The following CPAMD8 variants were observed in gnomAD, a reference collection of about 807,000 sequenced individuals.
CPAMD8 encodes the protein C3 and PZP-like alpha-2-macroglobulin domain-containing protein 8.
Under a neutral mutation model 224.7 loss-of-function variants are expected in CPAMD8, and 146 were observed. The ratio of observed to expected loss-of-function variants is 0.65; its 90% confidence interval spans 0.57 to 0.75. The LOEUF (loss-of-function observed/expected upper bound fraction) is 0.75, where lower values mean the gene tolerates loss of function less well. Ranked by LOEUF, CPAMD8 falls within the 30% of genes least tolerant of loss-of-function variation. The pLI, the probability that CPAMD8 is intolerant of heterozygous loss-of-function variation, is 0.00. For missense variants in CPAMD8, 2,301 were observed against 2,537.5 expected, an observed-to-expected ratio of 0.91 and a Z score of 2.00; for synonymous variants, 966 against 1,044.6, an observed-to-expected ratio of 0.92 and a Z score of 1.45.
At position 16,904,507 on chromosome 19, in the gene CPAMD8, T is replaced by C; in HGVS notation, c.4073A>G (p.Lys1358Arg). 1 of 1,614,134 alleles carries C rather than the reference T, an allele frequency of 6.2e-7. No individual in the cohort carries two copies. Among genetic ancestry groups the C allele is most frequent in the South Asian group, 1.1e-5 (1 of 91,088 alleles). ...GTCACTGAAGCTCAAGAATGTGCCC[T>C]TGTCCACGTCCCAGGAATTTGACAG... is the stretch of plus-strand genomic sequence containing the variant. ...WSLSNSWDVDKGTFLSFSDRV... is the reference protein window; with the variant it reads ...WSLSNSWDVDRGTFLSFSDRV... Residue 1358 changes from lysine to arginine, a missense_variant, in exon 31 of 42, where the codon AAG (lysine) becomes AGG (arginine). Lys to Arg is a conservative substitution (Grantham distance 26). Transcript: ENST00000443236.
At chr19:16,934,267 C>T (rs2053625061) in intron 23 of CPAMD8, among the ~76,000 whole-genome samples, 1 of 152,116 alleles carries the variant, frequency 6.6e-6, no homozygotes, top group Admixed American at 6.5e-5. Flanking sequence ...CACAGACGTA[C>T]ATATATGTTA....
At chr19:16,905,576 A>T (rs1599665815) in intron 30 of CPAMD8, among the ~76,000 whole-genome samples, 2 of 150,122 alleles carry the variant, frequency 1.3e-5, no homozygotes, top group Admixed American at 6.6e-5. Context: ...AAAGAAAAAA[A>T]AAAAAAAAAA....
intron 11 of CPAMD8, among the ~76,000 whole-genome samples, chr19:16,994,148 C>G (rs192737037): frequency 6.6e-6 from 1 of 152,274 alleles, no homozygotes. Flanking sequence ...CTACCTCACA[C>G]CATATACAAA....
intron 2 of CPAMD8, among the ~76,000 whole-genome samples, chr19:17,021,434 C>T (rs1351257614): frequency 6.6e-6 from 1 of 152,168 alleles, no homozygotes; most frequent in Non-Finnish European, 1.5e-5. Context: ...GCCTTGGAGC[C>T]CCTGGCCTTC....
At chr19:16,941,644 T>TTA (rs2053893559) in intron 22 of CPAMD8, among the ~76,000 whole-genome samples, 3 of 152,244 alleles carry the variant, frequency 2.0e-5, no homozygotes, top group African/African-American at 7.2e-5. Context: ...GCTGTTCTCG[T>TTA]GATAATGGGT....
chr19:16,920,291 A>C (rs949597298), intron 27 of CPAMD8, among the ~76,000 whole-genome samples: 3 of 151,156 alleles, frequency 2.0e-5, no homozygotes, highest in Non-Finnish European at 4.4e-5. Context: ...CATCCTGGCT[A>C]ACACGGTGAA....
chr19:17,020,495 G>C (rs923572751), intron 2 of CPAMD8, 142 bp from the exon 3 acceptor site: 1 of 665,968 alleles, frequency 1.5e-6, no homozygotes, highest in Admixed American at 2.3e-5. Flanking sequence ...ATGCTGGCCT[G>C]GACTGGGCCA....
chr19:16,951,095 G>A (rs2054284704), intron 20 of CPAMD8, among the ~76,000 whole-genome samples: 1 of 152,108 alleles, frequency 6.6e-6, no homozygotes, highest in South Asian at 2.1e-4. Context: ...CCTGCTTAAT[G>A]TTCTCAGTGT....
intron 19 of CPAMD8, among the ~76,000 whole-genome samples, chr19:16,952,637 A>T (rs1429210408): frequency 6.6e-6 from 1 of 152,204 alleles, no homozygotes; most frequent in Non-Finnish European, 1.5e-5. Flanking sequence ...TGATCCCGCC[A>T]CTGCAGTCCA....
intron 9 of CPAMD8, among the ~76,000 whole-genome samples, chr19:17,002,048 C>A (rs899854263): frequency 6.0e-5 from 9 of 150,300 alleles, no homozygotes; most frequent in Non-Finnish European, 1.3e-4. Flanking sequence ...GGGAGGGGCA[C>A]CTCCTGAGGA....
At chr19:16,952,349 A>G in intron 19 of CPAMD8, 149 bp from the exon 20 acceptor site, 5 of 628,872 alleles carry the variant, frequency 8.0e-6, no homozygotes, top group Non-Finnish European at 1.1e-5. Context: ...CAAAAGCGGC[A>G]ACAGGAAAAA....
At chr19:16,920,442 T>C (rs2053127920) in intron 27 of CPAMD8, among the ~76,000 whole-genome samples, 1 of 152,112 alleles carries the variant, frequency 6.6e-6, no homozygotes, top group African/African-American at 2.4e-5. Context: ...ATGGCGCCAC[T>C]GCACTCCAGC....
At chr19:16,944,752 G>T (rs1275290506) in intron 22 of CPAMD8, among the ~76,000 whole-genome samples, 1 of 151,846 alleles carries the variant, frequency 6.6e-6, no homozygotes, top group East Asian at 1.9e-4. Flanking sequence ...CCGGAGTTCT[G>T]CCCAGTGGGC....
At chr19:16,926,805 G>T (rs75151526) in intron 25 of CPAMD8, among the ~76,000 whole-genome samples, 5,317 of 152,096 alleles carry the variant, frequency 0.035, 230 homozygotes, top group African/African-American at 0.1. Context: ...CTGCCTCTCT[G>T]CTTCTTCTCC....
At chr19:17,008,364 T>C in intron 7 of CPAMD8, 141 bp downstream of exon 7, 1 of 1,064,462 alleles carries the variant, frequency 9.4e-7, no homozygotes, top group African/African-American at 1.6e-5. Context: ...GGTGGGTACC[T>C]GCCCTCCGCT....
intron 17 of CPAMD8, among the ~76,000 whole-genome samples, chr19:16,971,461 T>C (rs1259649375): frequency 6.6e-6 from 1 of 152,126 alleles, no homozygotes; most frequent in Non-Finnish European, 1.5e-5. Flanking sequence ...ATTTGAACTG[T>C]GCAACCAAAT....
chr19:16,902,846 A>G lies in CPAMD8; in HGVS notation c.4488T>C (p.Asn1496=), dbSNP rs576729458. 25 of 1,534,640 alleles carry G rather than the reference A, an allele frequency of 1.6e-5. No homozygotes were observed. In the South Asian group the frequency reaches 3.0e-4, roughly 19 times the overall value. The change falls in exon 35 of 42, where the codon AAT becomes AAC. Residue 1496 remains asparagine, a synonymous_variant. Transcript: ENST00000443236. ...CTGGCTTGGCCACCGGGTCAGGCAC[A>G]TTGTAGGTGACATCAATCTGGGGGG... ...CCLMQIDVTY[N]VPDPVAKPAF...
chr19:16,987,179 A>ATATATATAT (rs1169938247), intron 13 of CPAMD8, among the ~76,000 whole-genome samples: 3 of 53,918 alleles, frequency 5.6e-5, no homozygotes, highest in South Asian at 6.5e-4. Flanking sequence ...AAAAAAAAAA[A>ATATATATAT]ATATATATAT....
intron 14 of CPAMD8, among the ~76,000 whole-genome samples, chr19:16,978,815 T>A (rs2055376624): frequency 6.6e-6 from 1 of 150,746 alleles, no homozygotes; most frequent in Non-Finnish European, 1.5e-5. Flanking sequence ...CCATCCACCA[T>A]CTACCCATCC....
Sources: allele counts gnomAD v4.1 joint callset (sites outside exome capture counted in the v4.1 genomes callset), GRCh38; gene constraint gnomAD v4.1.1; transcripts MANE v1.5; gene names NCBI Gene and HGNC (gene_info 2026-07-23, HGNC 2026-07-21).